Variants in NME8 observed in about 807,000 individuals in gnomAD.
NME8 encodes the protein NME/NM23 family member 8, also known as protein NME8.
In NME8, 72 loss-of-function variants were observed where a neutral mutation model predicts 82.3. The observed-to-expected ratio is 0.87, with a 90% CI of 0.72 to 1.06. NME8 has a LOEUF of 1.06. Ranked by LOEUF, NME8 falls within the 50% of genes least tolerant of loss-of-function variation. The probability of loss-of-function intolerance (pLI) is 0.00; values close to 1 mark genes in which losing one functional copy is unlikely to be tolerated. For synonymous variants in NME8, 267 were observed against 228.5 expected (o/e 1.17, Z -1.52); for missense variants, 712 against 685.4 (o/e 1.04, Z -0.43).
In NME8 at chr7:37,858,972, C is replaced by G. The variant is rs113039400; in HGVS notation, c.270+1627C>G. Among the ~76,000 whole-genome samples the G allele has an allele frequency of 3.2e-3, 482 of 152,180 alleles. 3 individuals carry two copies. Among genetic ancestry groups the G allele is most frequent in the African/African-American group, 0.011 (466 of 41,510 alleles). ...TTGGCACTGTCTCACCTTTCTCTCA[C>G]TCCTTCTCTCTCCACATGACATGCT... On this transcript the variant is annotated intron_variant, in intron 6 of 17. Transcript: ENST00000199447.
chr7:37,881,421 A>G (rs1390332097), intron 12 of NME8, among the ~76,000 whole-genome samples: 1 of 152,078 alleles, frequency 6.6e-6, no homozygotes, highest in Admixed American at 6.5e-5. Flanking sequence ...TAATCATATG[A>G]CTTTTCTTCT....
intron 10 of NME8, among the ~76,000 whole-genome samples, 166 bp from the exon 11 acceptor site, chr7:37,867,536 C>T (rs1227553496): frequency 6.6e-6 from 1 of 151,852 alleles, no homozygotes; most frequent in African/African-American, 2.4e-5. Context: ...AAATAAAAAC[C>T]CCCAAACAAT....
intron 5 of NME8, among the ~76,000 whole-genome samples, chr7:37,853,163 T>C (rs557610981): frequency 7.9e-5 from 12 of 152,312 alleles, no homozygotes; most frequent in African/African-American, 2.2e-4. Flanking sequence ...GCTTATTTTT[T>C]TAATTGGGTT....
At chr7:37,883,539 C>T (rs547203202) in intron 12 of NME8, among the ~76,000 whole-genome samples, 1 of 152,242 alleles carries the variant, frequency 6.6e-6, no homozygotes, top group East Asian at 1.9e-4. Flanking sequence ...TAAGGCTGTT[C>T]AAGATCTTAG....
rs1784749020 is a variant in NME8, at chr7:37,870,317, G to A, written c.818+2419G>A. 1.3e-5 allele frequency among the ~76,000 whole-genome samples: 2 copies of A among 151,994 alleles called. 1 individual carries two copies. The highest frequency in any genetic ancestry group is 1.3e-4 in the Admixed American group (2 of 15,266). ...AAAAGTTTACCAATTTGAGCCGGGT[G>A]CGGTGGCTCATGCTTGTAATCCCAG... On this transcript the variant is annotated intron_variant, in intron 11 of 17. Transcript: ENST00000199447.
chr7:37,855,261 G>A (rs965749610), intron 5 of NME8, among the ~76,000 whole-genome samples: 3 of 152,130 alleles, frequency 2.0e-5, no homozygotes, highest in Admixed American at 2.0e-4. Context: ...CAGGGACAAA[G>A]CACTGATGGA....
In NME8 at chr7:37,894,525, T is replaced by C; in HGVS notation, c.1459T>C (p.Phe487Leu). Residue 487 changes from phenylalanine to leucine, a missense_variant, in exon 16 of 18, where the codon TTC becomes CTC. Phe to Leu is a conservative substitution (Grantham distance 22, BLOSUM62 0). Coordinates refer to ENST00000199447, the MANE Select transcript of NME8 (RefSeq NM_016616.5). The part of the protein sequence containing the change: ...GFDLTQVKKM[F>L]LTPEQIEKIY... ...TGATCTGACACAGGTGAAGAAAATGTTCCTAACTCCTGAGCAAATAGAGAA... is the reference window on the plus strand; with the variant it reads ...TGATCTGACACAGGTGAAGAAAATGCTCCTAACTCCTGAGCAAATAGAGAA... 6.2e-7 allele frequency: 1 copy of C among 1,612,958 alleles called. No homozygotes were observed.
chr7:37,899,538 G>A (rs1785282270), intron 17 of NME8, among the ~76,000 whole-genome samples: 1 of 151,988 alleles, frequency 6.6e-6, no homozygotes, highest in Non-Finnish European at 1.5e-5. Context: ...GGGGGCTGGG[G>A]GAGGGAGAGC....
rs1784477881 is a variant in NME8 at position 37,854,222 on chromosome 7, G to A, written c.199-3052G>A. ...ATTCTTGCAATAAAGTAAGCTAGAG[G>A]AAAGAAAATAGTATTAAGAAAATTA... On this transcript the variant is annotated intron_variant, in intron 5 of 17. Coordinates refer to ENST00000199447, the MANE Select transcript of NME8 (RefSeq NM_016616.5). 1.3e-5 allele frequency among the ~76,000 whole-genome samples: 2 copies of A among 152,048 alleles called. 1 individual carries two copies. The highest frequency in any genetic ancestry group is 2.9e-5 in the Non-Finnish European group (2 of 68,010).
chr7:37,878,642 A>G (rs1344751099), intron 12 of NME8, among the ~76,000 whole-genome samples: 1 of 152,190 alleles, frequency 6.6e-6, no homozygotes, highest in Non-Finnish European at 1.5e-5. Flanking sequence ...AATATTTAAA[A>G]AAGACAATAT....
intron 11 of NME8, among the ~76,000 whole-genome samples, chr7:37,871,042 A>G (rs147968838): frequency 6.6e-6 from 1 of 152,178 alleles, no homozygotes; most frequent in African/African-American, 2.4e-5. Flanking sequence ...CCTCTCCCCT[A>G]TCTCCCAGCC....
intron 2 of NME8, among the ~76,000 whole-genome samples, chr7:37,849,513 C>T (rs1784407794): frequency 6.6e-6 from 1 of 152,160 alleles, no homozygotes; most frequent in Admixed American, 6.5e-5. Context: ...ATTAGCTTCT[C>T]TCTCCCCAGC....
chr7:37,890,548 T>C (rs1191057131), intron 15 of NME8, among the ~76,000 whole-genome samples: 2 of 152,016 alleles, frequency 1.3e-5, no homozygotes, highest in East Asian at 3.9e-4. Context: ...GTTATACCCA[T>C]AGACTTATCT....
At chr7:37,868,111 T>C (rs1431968175) in intron 11 of NME8, among the ~76,000 whole-genome samples, 1 of 152,194 alleles carries the variant, frequency 6.6e-6, no homozygotes. Context: ...GCTTGTGGGT[T>C]GTAGGGTAGT....
At chr7:37,858,062 T>G (rs1268511918) in intron 6 of NME8, among the ~76,000 whole-genome samples, 1 of 151,966 alleles carries the variant, frequency 6.6e-6, no homozygotes, top group Non-Finnish European at 1.5e-5. Context: ...ATAAAATAAA[T>G]ATAAAATATA....
chr7:37,863,012 C>T (rs900607959), intron 7 of NME8, among the ~76,000 whole-genome samples: 7 of 151,916 alleles, frequency 4.6e-5, no homozygotes, highest in South Asian at 2.1e-4. Flanking sequence ...CCCAGCTATT[C>T]GGGAGACTGA....
chr7:37,872,966 CAT>C (rs1302568170), intron 11 of NME8, among the ~76,000 whole-genome samples: 2 of 152,186 alleles, frequency 1.3e-5, no homozygotes, highest in African/African-American at 4.8e-5. Flanking sequence ...TTGTATACTT[CAT>C]ATGTTTGAAA....
chr7:37,877,914 G>T (rs939541761), intron 12 of NME8, among the ~76,000 whole-genome samples: 1 of 152,152 alleles, frequency 6.6e-6, no homozygotes, highest in African/African-American at 2.4e-5. Flanking sequence ...CACAGTAATA[G>T]GGTTTGCAAA....
intron 16 of NME8, among the ~76,000 whole-genome samples, chr7:37,895,445 G>A (rs951142787): frequency 5.9e-5 from 9 of 152,096 alleles, no homozygotes; most frequent in Non-Finnish European, 8.8e-5. Flanking sequence ...TAGGACCAGG[G>A]CTAGAAGTTG....
Sources: gnomAD v4.1 joint callset for allele counts (sites outside exome capture counted in the v4.1 genomes callset) on GRCh38, gnomAD v4.1.1 for gene constraint, MANE v1.5 for transcripts, NCBI Gene and HGNC (gene_info 2026-07-23, HGNC 2026-07-21) for gene names.